Variants in FUS observed in about 807,000 individuals in gnomAD.
FUS encodes FUS RNA binding protein.
A neutral mutation model predicts 82.7 loss-of-function variants in FUS; 5 were observed. The ratio of observed to expected loss-of-function variants is 0.06; its 90% CI spans 0.03 to 0.13. The LOEUF is 0.13. Ranked by LOEUF, FUS falls within the 10% of genes least tolerant of loss-of-function variation. The pLI is 1.00. For synonymous variants in FUS, 281 were observed against 247.4 expected (o/e 1.14, Z -1.27); for missense variants, 512 against 707.8 (o/e 0.72, Z 3.14).
At chr16:31,187,999 T>C (rs552825137) in intron 7 of FUS, 1 of 423,698 alleles carries the variant, frequency 2.4e-6, no homozygotes, top group African/African-American at 2.0e-5. Context: ...AGTTGGTTTG[T>C]TCACTTTAAT....
Position 31,184,299 on chromosome 16 carries a change from C to T in FUS, c.426C>T (p.Ser142=). 6.2e-7 allele frequency: 1 copy of T among 1,613,892 alleles called. No individual in the cohort carries two copies. The highest frequency in any genetic ancestry group is 8.5e-7 in the Non-Finnish European group (1 of 1,179,868). Residue 142 remains serine (S), a synonymous_variant, in exon 5 of 15, where the codon AGC becomes AGT. Transcript: ENST00000254108. ...CTAGCTATGGTGGACAGCAGCAAAG[C>T]TATGGACAGCAGCAAAGCTATAATC... ...QQPSYGGQQQ[S]YGQQQSYNPP...
chr16:31,181,561 C>T (rs922071152), intron 1 of FUS, among the ~76,000 whole-genome samples: 1 of 152,116 alleles, frequency 6.6e-6, no homozygotes, highest in African/African-American at 2.4e-5. Context: ...CACTAAAAAG[C>T]CCACTTCATC....
chr16:31,184,006 C>T lies in FUS; in HGVS notation c.335+4C>T, dbSNP rs1311083553. 15 of 1,613,782 alleles carry T rather than the reference C, an allele frequency of 9.3e-6. No individual in the cohort carries two copies. The highest frequency in any genetic ancestry group is 1.3e-5 in the African/African-American group (1 of 74,818). On this transcript the variant is annotated splice_donor_region_variant and intron_variant, in intron 4 of 14. Transcript: ENST00000254108. ...CTCCCAGCAGCACCTCGGGAAGGTACGGTGGTGTTGATGTCGGGGAAGGCT... is the reference window on the plus strand; with the variant it reads ...CTCCCAGCAGCACCTCGGGAAGGTATGGTGGTGTTGATGTCGGGGAAGGCT...
intron 3 of FUS, chr16:31,183,572 G>A: frequency 2.2e-6 from 1 of 458,080 alleles, no homozygotes; most frequent in Non-Finnish European, 4.0e-6. Flanking sequence ...GCATATTACA[G>A]TGCTGTTAAC....
chr16:31,186,376 G>A, intron 6 of FUS: 1 of 344,098 alleles, frequency 2.9e-6, no homozygotes, highest in Non-Finnish European at 5.4e-6. Flanking sequence ...TGCTTTCAAA[G>A]CAAAAACCAC....
At chr16:31,184,168 A>C in intron 4 of FUS, 41 bp from the exon 5 acceptor site, 3 of 1,614,154 alleles carry the variant, frequency 1.9e-6, no homozygotes, top group Non-Finnish European at 2.5e-6. Context: ...ATTGGGGGCT[A>C]TGCTGGGATT....
At chr16:31,189,969 A>G in intron 10 of FUS, 71 bp from the exon 11 acceptor site, 1 of 1,557,358 alleles carries the variant, frequency 6.4e-7, no homozygotes, top group Non-Finnish European at 8.8e-7. Flanking sequence ...TGAGAAAGGC[A>G]CGCTTCTCTT....
At chr16:31,187,422 T>C (rs1451120821) in intron 7 of FUS, 1 of 234,188 alleles carries the variant, frequency 4.3e-6, no homozygotes, top group Non-Finnish European at 8.5e-6. Context: ...CAAGAAAGAT[T>C]GGAAGCATGT....
chr16:31,188,200 T>C (rs1232818975), intron 7 of FUS, 125 bp from the exon 8 acceptor site: 5 of 1,029,690 alleles, frequency 4.9e-6, no homozygotes, highest in Non-Finnish European at 7.3e-6. Context: ...GAGCACTTAC[T>C]TGATATTTTA....
chr16:31,185,794 A>G (rs530931468), intron 6 of FUS: 1 of 287,370 alleles, frequency 3.5e-6, no homozygotes, highest in East Asian at 5.5e-5. Context: ...TATTTGTTCC[A>G]CTGTCTGCCT....
rs762095418 is a variant in FUS, at chr16:31,183,952, C to T, written c.285C>T (p.Ser95=). 2 of 1,613,838 alleles carry T rather than the reference C, an allele frequency of 1.2e-6. No homozygotes were observed. Among genetic ancestry groups the T allele is most frequent in the African/African-American group, 1.3e-5 (1 of 75,028 alleles). Residue 95 remains serine, a synonymous_variant, in exon 4 of 15, where the codon TCC becomes TCT. Transcript: ENST00000254108. ...QSSQSSYGQQ[S]SYPGYGQQPA... is the part of the protein sequence containing the mutation. Reference sequence around the variant, plus strand: ...CCCAATCGTCTTACGGGCAGCAGTCCTCCTACCCTGGCTATGGCCAGCAGC... The same window carrying T: ...CCCAATCGTCTTACGGGCAGCAGTCTTCCTACCCTGGCTATGGCCAGCAGC...
At chr16:31,189,457 A>T (rs1435291514) in intron 9 of FUS, among the ~76,000 whole-genome samples, 1 of 152,202 alleles carries the variant, frequency 6.6e-6, no homozygotes. Flanking sequence ...TGAGATTTGT[A>T]CTCTATAGTA....
In FUS at chr16:31,190,277, C is replaced by T. The variant is rs560450437; in HGVS notation, c.1171C>T (p.Pro391Ser). 1.9e-6 allele frequency: 3 copies of T among 1,614,002 alleles called. No homozygotes were observed. The East Asian group carries it at 6.7e-5, about 36-fold the overall frequency. Residue 391 changes from proline to serine, a missense_variant and splice_region_variant, in exon 12 of 15, where the codon CCC becomes TCC. By Grantham distance (74) the Pro-to-Ser change is moderately conservative (BLOSUM62 -1). Coordinates refer to ENST00000254108, the MANE Select transcript of FUS (RefSeq NM_004960.4). ...NGRGGRGRGGPMGRGGYGGGG... is the reference protein window; with the variant it reads ...NGRGGRGRGGSMGRGGYGGGG... ...CATACTTGGTCTATCTGCATTAGGA[C>T]CCATGGGCCGTGGAGGCTATGGAGG...
chr16:31,186,636 C>CA (rs1458476064), intron 6 of FUS, 166 bp from the exon 7 acceptor site: 5 of 688,500 alleles, frequency 7.3e-6, no homozygotes, highest in Non-Finnish European at 1.3e-5. Flanking sequence ...GTGACATGCT[C>CA]AAAGGTCAGA....
intron 3 of FUS, 42 bp downstream of exon 3, chr16:31,182,706 A>C: frequency 6.2e-7 from 1 of 1,613,016 alleles, no homozygotes; most frequent in South Asian, 1.1e-5. Flanking sequence ...ACTCTTTCTG[A>C]ATATTGCTTT....
At chr16:31,192,265 G>C (rs1205035561), downstream of FUS, 4 of 526,834 alleles carry the variant, frequency 7.6e-6, no homozygotes, top group African/African-American at 7.5e-5. Context: ...GAGGGTGGAA[G>C]GCCCTCCTAA....
chr16:31,186,856 A>C lies in FUS; in HGVS notation c.799+20A>C, dbSNP rs1293869052. 2 of 1,608,808 alleles carry C rather than the reference A, an allele frequency of 1.2e-6. No individual in the cohort carries two copies. The highest frequency in any genetic ancestry group is 1.7e-5 in the Admixed American group (1 of 60,002). On this transcript the variant is annotated intron_variant, in intron 7 of 14. Coordinates refer to ENST00000254108, the MANE Select transcript of FUS (RefSeq NM_004960.4). Reference sequence around the variant, plus strand: ...TTGGTGGTAAGTGAACAGAGTTTCCAAAATTCCCAACTCCCAGCAATGCTT... The same window carrying C: ...TTGGTGGTAAGTGAACAGAGTTTCCCAAATTCCCAACTCCCAGCAATGCTT...
chr16:31,184,552 TC>T (rs2079233287), intron 5 of FUS, among the ~76,000 whole-genome samples, 156 bp downstream of exon 5: 1 of 151,624 alleles, frequency 6.6e-6, no homozygotes, highest in Non-Finnish European at 1.5e-5. Context: ...CGCGCCAGTC[TC>T]CTGCCTCAGC....
At chr16:31,191,674 T>C (rs1402992245), downstream of FUS, 5 of 694,622 alleles carry the variant, frequency 7.2e-6, no homozygotes, top group Admixed American at 2.0e-5. Flanking sequence ...TAGAGAGTTT[T>C]CCTGTTCAGA....
Sources: allele counts gnomAD v4.1 joint callset (sites outside exome capture counted in the v4.1 genomes callset), GRCh38; gene constraint gnomAD v4.1.1; transcripts MANE v1.5; gene names NCBI Gene and HGNC (gene_info 2026-07-23, HGNC 2026-07-21).